SV2B: variants seen among roughly 807,000 people sequenced by gnomAD.
SV2B encodes the protein synaptic vesicle glycoprotein 2B.
SV2B carries 41 observed loss-of-function variants against 73.9 expected under a neutral mutation model. The ratio of observed to expected loss-of-function variants is 0.56; its 90% CI spans 0.43 to 0.72. SV2B has a LOEUF of 0.72. SV2B is among the 30% of genes least tolerant of loss of function. SV2B has a pLI of 0.00. For synonymous variants in SV2B, 314 were observed against 314.2 expected (o/e 1.00, Z 0.01); for missense variants, 764 against 857.8 (o/e 0.89, Z 1.37).
At chr15:91,221,091 C>G (rs1441329868) in intron 1 of SV2B, among the ~76,000 whole-genome samples, 2 of 152,096 alleles carry the variant, frequency 1.3e-5, no homozygotes, top group Non-Finnish European at 2.9e-5. Context: ...GTCTCAAACT[C>G]CTGGAATCAA....
rs2042402662 is a variant in SV2B at position 91,123,765 on chromosome 15, C to G, written c.-392+23402C>G. The stretch of plus-strand genomic sequence containing the variant: ...ACTCCTTTCTCTATTCTGGGCGTGT[C>G]TTCACTGAAGGTCTCCAGAGAGGAG... On this transcript the variant is annotated intron_variant, in intron 1 of 12. Transcript: ENST00000394232. This position sits in a 1 kb window ranked among gnomAD's most constrained non-coding sequence, Gnocchi z 4.7. Among the ~76,000 whole-genome samples, 1 of 152,152 alleles carries G rather than the reference C, an allele frequency of 6.6e-6. No homozygotes were observed. Among genetic ancestry groups the G allele is most frequent in the Non-Finnish European group, 1.5e-5 (1 of 68,026 alleles).
intron 1 of SV2B, among the ~76,000 whole-genome samples, chr15:91,185,711 A>G (rs1177869842): frequency 6.6e-6 from 1 of 152,202 alleles, no homozygotes; most frequent in Non-Finnish European, 1.5e-5. Flanking sequence ...AATGGCTGGC[A>G]TTTGTTCAAC....
chr15:91,254,070 CA>C (rs1274870122), intron 4 of SV2B, among the ~76,000 whole-genome samples: 1 of 152,184 alleles, frequency 6.6e-6, no homozygotes, highest in East Asian at 1.9e-4. Flanking sequence ...ATCCCTCACT[CA>C]AATGCACACT....
At position 91,115,509 on chromosome 15, in the gene SV2B, C is replaced by T. The variant is rs2042152748; in HGVS notation, c.-392+15146C>T. 6.6e-6 allele frequency among the ~76,000 whole-genome samples: 1 copy of T among 151,908 alleles called. No individual in the cohort carries two copies. Among genetic ancestry groups the T allele is most frequent in the African/African-American group, 2.4e-5 (1 of 41,362 alleles). On this transcript the variant is annotated intron_variant, in intron 1 of 12. Coordinates refer to ENST00000394232, the MANE Select transcript of SV2B (RefSeq NM_001323032.3). This position sits in a 1 kb window ranked among gnomAD's most constrained non-coding sequence, Gnocchi z 4.3. Reference sequence around the variant, plus strand: ...ACCTCAGTCTCCTGAGTAGCTGGGACCACAGGCACCCACCATCATGCCTGG... The same window carrying T: ...ACCTCAGTCTCCTGAGTAGCTGGGATCACAGGCACCCACCATCATGCCTGG...
Position 91,260,648 on chromosome 15 carries a change from C to G in SV2B, c.1008+239C>G, listed in dbSNP as rs550764107. On this transcript the variant is annotated intron_variant, in intron 6 of 12. Transcript: ENST00000394232. Reference sequence around the variant, plus strand: ...AGGTGCGGTGGCTCATGCCTGTAATCCCAGCACTTTGGAAGGCTGTATTAG... The same window carrying G: ...AGGTGCGGTGGCTCATGCCTGTAATGCCAGCACTTTGGAAGGCTGTATTAG... Among the ~76,000 whole-genome samples, 4 of 152,146 alleles carry G rather than the reference C, an allele frequency of 2.6e-5. No homozygotes were observed. The South Asian group carries it at 6.2e-4, about 24-fold the overall frequency.
In SV2B at chr15:91,115,990, A is replaced by G. The variant is rs2042168385; in HGVS notation, c.-392+15627A>G. 6.6e-6 allele frequency among the ~76,000 whole-genome samples: 1 copy of G among 152,196 alleles called. No homozygotes were observed. The highest frequency in any genetic ancestry group is 1.5e-5 in the Non-Finnish European group (1 of 68,038). On this transcript the variant is annotated intron_variant, in intron 1 of 12. Coordinates refer to ENST00000394232, the MANE Select transcript of SV2B (RefSeq NM_001323032.3). The surrounding 1 kb of genome is among the most constrained non-coding windows in gnomAD (Gnocchi z 4.3). The stretch of plus-strand genomic sequence containing the variant: ...CATGCACACACATACACACACACAT[A>G]AATATACATATATAATACATTATTA...
rs558379153 is a variant in SV2B, at chr15:91,134,786, A to G, written c.-392+34423A>G. Among the ~76,000 whole-genome samples the G allele has an allele frequency of 8.5e-5, 13 of 152,304 alleles. No homozygotes were observed. The South Asian group carries it at 2.7e-3, about 32-fold the overall frequency. On this transcript the variant is annotated intron_variant, in intron 1 of 12. Transcript: ENST00000394232. ...TTTCTTTAAAAAGCAAACAACCCCA[A>G]TAAAAACAACAGCGACAACAAAAAC...
chr15:91,175,702 CAT>C (rs10616854), intron 1 of SV2B, among the ~76,000 whole-genome samples: 61,323 of 148,540 alleles, frequency 0.41, 14,956 homozygotes, highest in African/African-American at 0.68. Context: ...CATGTAAATA[CAT>C]ATATATATAT....
chr15:91,099,877 C>G (rs1190310701), upstream of SV2B: 2 of 152,264 alleles, frequency 1.3e-5, no homozygotes, highest in Non-Finnish European at 2.9e-5. Context: ...GCCCCCTCGC[C>G]CTAGGCGGGG....
intron 1 of SV2B, among the ~76,000 whole-genome samples, chr15:91,107,600 C>T (rs1225205241): frequency 2.6e-5 from 4 of 151,682 alleles, no homozygotes; most frequent in African/African-American, 4.8e-5. Flanking sequence ...CGTGAGCCAC[C>T]GTGCCCGCTA....
In SV2B at chr15:91,287,004, A is replaced by G. The variant is rs56289200; in HGVS notation, c.1709-2517A>G. ...CAGCATTTACTGTAAGCCAAGCCCC[A>G]TGGCTGGCCCCTCTGAGGGATGCAT... On this transcript the variant is annotated intron_variant, in intron 11 of 12. Transcript: ENST00000394232. Among the ~76,000 whole-genome samples, 682 of 152,300 alleles carry G rather than the reference A, an allele frequency of 4.5e-3. 7 individuals are homozygous for G. The highest frequency in any genetic ancestry group is 0.015 in the African/African-American group (640 of 41,562).
intron 9 of SV2B, among the ~76,000 whole-genome samples, chr15:91,278,753 T>G (rs886117622): frequency 1.3e-5 from 2 of 151,044 alleles, no homozygotes; most frequent in Admixed American, 6.6e-5. Flanking sequence ...TTTAAGCAAA[T>G]TAGGCCCAAG....
At chr15:91,251,792 T>C in intron 2 of SV2B, 27 bp from the exon 3 acceptor site, 1 of 1,609,542 alleles carries the variant, frequency 6.2e-7, no homozygotes, top group Non-Finnish European at 8.5e-7. Context: ...TTCTCTCTAT[T>C]CTCTCCTCTC....
At chr15:91,274,753 G>A (rs577593499) in intron 9 of SV2B, among the ~76,000 whole-genome samples, 19 of 152,194 alleles carry the variant, frequency 1.2e-4, no homozygotes, top group African/African-American at 4.1e-4. Context: ...TGCTATGACC[G>A]GATGATGCAG....
At chr15:91,230,889 G>A (rs1354254518) in intron 2 of SV2B, among the ~76,000 whole-genome samples, 1 of 152,148 alleles carries the variant, frequency 6.6e-6, no homozygotes, top group Non-Finnish European at 1.5e-5. Context: ...CTTTTATTCA[G>A]ATAGGAAGGA....
intron 1 of SV2B, among the ~76,000 whole-genome samples, chr15:91,216,717 C>T (rs1205797051): frequency 2.0e-5 from 3 of 151,362 alleles, no homozygotes; most frequent in African/African-American, 4.9e-5. Context: ...GTGATCTGCC[C>T]GCCTCGGCCT....
Position 91,281,954 on chromosome 15 carries a change from T to G in SV2B, c.1507+93T>G. On this transcript the variant is annotated intron_variant, in intron 10 of 12. Coordinates refer to ENST00000394232, the MANE Select transcript of SV2B (RefSeq NM_001323032.3). This position sits in a 1 kb window ranked among gnomAD's most constrained non-coding sequence, Gnocchi z 4.7. ...AATGGTCAGGCATAAACTTTAGGAG[T>G]AGGAAAGTATTCGTAGATACAAATG... is the stretch of plus-strand genomic sequence containing the variant. The G allele has an allele frequency of 7.2e-7, 1 of 1,386,192 alleles. No homozygotes were observed. Among genetic ancestry groups the G allele is most frequent in the Non-Finnish European group, 9.6e-7 (1 of 1,038,362 alleles). The allele number at this position is 1,386,192 out of a possible 1,614,324, so 85.9% of individuals were successfully genotyped here.
Position 91,233,914 on chromosome 15 carries a change from A to G in SV2B, c.451+7200A>G, listed in dbSNP as rs531260772. Among the ~76,000 whole-genome samples the G allele has an allele frequency of 2.6e-5, 4 of 152,212 alleles. No homozygotes were observed. The South Asian group carries it at 8.3e-4, about 32-fold the overall frequency. ...GGTTACACTCCAAAAGAATGACTTG[A>G]TTTTTCTGGAAAGTATATGTAGGAA... On this transcript the variant is annotated intron_variant, in intron 2 of 12. Transcript: ENST00000394232.
chr15:91,292,232 G>A (rs2049065923), intron 12 of SV2B, 137 bp from the exon 13 acceptor site: 6 of 726,772 alleles, frequency 8.3e-6, no homozygotes, highest in Non-Finnish European at 1.1e-5. Flanking sequence ...ACTACAATGA[G>A]AATGTGTTAT....
Sources: allele counts gnomAD v4.1 joint callset (sites outside exome capture counted in the v4.1 genomes callset), GRCh38; gene constraint gnomAD v4.1.1; non-coding constraint Gnocchi (gnomAD v3.1); transcripts MANE v1.5; gene names NCBI Gene and HGNC (gene_info 2026-07-23, HGNC 2026-07-21).